The following DPY19L1 variants were observed in gnomAD, a reference collection of about 807,000 sequenced individuals.
DPY19L1 encodes protein C-mannosyl-transferase DPY19L1.
In DPY19L1, 35 loss-of-function variants were observed where a neutral mutation model predicts 96.9. The ratio of observed to expected loss-of-function variants is 0.36; its 90% CI spans 0.28 to 0.48. The LOEUF is 0.48. DPY19L1 is among the 20% of genes least tolerant of loss of function. The pLI is 0.99. For synonymous variants in DPY19L1, 205 were observed against 252.6 expected (o/e 0.81, Z 1.79); for missense variants, 521 against 777.9 (o/e 0.67, Z 3.93).
chr7:34,939,336 A>G lies in DPY19L1; in HGVS notation c.1904T>C (p.Val635Ala). The G allele has an allele frequency of 6.2e-7, 1 of 1,614,048 alleles. No homozygotes were observed. Among genetic ancestry groups the G allele is most frequent in the Non-Finnish European group, 8.5e-7 (1 of 1,179,970 alleles). The change falls in exon 20 of 22, where the codon GTT (valine) becomes GCT (alanine). Residue 635 changes from valine (V) to alanine (A), a missense_variant. By Grantham distance (64) the Val-to-Ala change is moderately conservative. Coordinates refer to ENST00000638088, the MANE Select transcript of DPY19L1 (RefSeq NM_001366673.1). The part of the protein sequence containing the change: ...FAGAMPTMAS[V>A]KLSALRPIVN... ...AATGGGCCGAAGTGCAGAGAGCTTA[A>G]CACTTGCCATCGTGGGCATGGCACC...
At chr7:34,954,313 A>G (rs1462049087) in intron 13 of DPY19L1, among the ~76,000 whole-genome samples, 1 of 152,166 alleles carries the variant, frequency 6.6e-6, no homozygotes, top group Non-Finnish European at 1.5e-5. Flanking sequence ...TAATGACTTG[A>G]AAACTGGAGA....
intron 6 of DPY19L1, among the ~76,000 whole-genome samples, chr7:34,996,467 A>G (rs1047548097): frequency 2.0e-5 from 3 of 152,086 alleles, no homozygotes; most frequent in Non-Finnish European, 4.4e-5. Flanking sequence ...CTGCCTAGAA[A>G]TATCACTCTC....
intron 1 of DPY19L1, among the ~76,000 whole-genome samples, chr7:35,027,401 T>C (rs1030306277): frequency 5.3e-5 from 8 of 152,102 alleles, no homozygotes; most frequent in Non-Finnish European, 7.4e-5. Flanking sequence ...TACAAAGCCT[T>C]GGTAGGTTTG....
chr7:34,931,440 T>C lies in DPY19L1; in HGVS notation c.*133A>G. The C allele has an allele frequency of 8.1e-7, 1 of 1,227,508 alleles. No individual in the cohort carries two copies. The highest frequency in any genetic ancestry group is 2.6e-5 in the South Asian group (1 of 38,668). 76.0% of individuals were successfully genotyped at this position (1,227,508 alleles called of 1,614,324 possible). A position where few individuals can be genotyped will look rare whatever the true frequency, so the allele number is the denominator to read the frequency against. On this transcript the variant is annotated 3_prime_UTR_variant, in exon 22 of 22. Coordinates refer to ENST00000638088, the MANE Select transcript of DPY19L1 (RefSeq NM_001366673.1). The stretch of plus-strand genomic sequence containing the variant: ...TTTATAATTAGAATGACATTCAAAT[T>C]GACCAAATAAAACGTTTTCTATTTG...
At chr7:34,956,479 T>A (rs1266802652) in intron 11 of DPY19L1, among the ~76,000 whole-genome samples, 1 of 151,874 alleles carries the variant, frequency 6.6e-6, no homozygotes, top group Non-Finnish European at 1.5e-5. Flanking sequence ...CGGCCCACAC[T>A]GGGAAGAGGC....
At chr7:34,990,701 G>A (rs766244534) in intron 6 of DPY19L1, among the ~76,000 whole-genome samples, 7 of 152,170 alleles carry the variant, frequency 4.6e-5, no homozygotes, top group Non-Finnish European at 7.4e-5. Flanking sequence ...CCAAGTCTGG[G>A]TAGGGGACAT....
chr7:34,986,259 A>C (rs1785044487), intron 7 of DPY19L1, among the ~76,000 whole-genome samples: 1 of 152,010 alleles, frequency 6.6e-6, no homozygotes, highest in Admixed American at 6.6e-5. Context: ...ACTACAGTTA[A>C]TGTATTGCAT....
In DPY19L1 at chr7:34,975,043, T is replaced by C. The variant is rs567874603; in HGVS notation, c.823-1438A>G. On this transcript the variant is annotated intron_variant, in intron 7 of 21. Coordinates refer to ENST00000638088, the MANE Select transcript of DPY19L1 (RefSeq NM_001366673.1). ...TCAGCCACTCTCCCATCTGTCTCCC[T>C]CCCATCGGGCCTCCAAATTCCCTGA... Among the ~76,000 whole-genome samples the C allele has an allele frequency of 6.0e-4, 92 of 152,122 alleles. 1 individual carries two copies. The highest frequency in any genetic ancestry group is 2.1e-3 in the African/African-American group (88 of 41,514).
chr7:34,987,460 T>A (rs1029312112), intron 7 of DPY19L1, among the ~76,000 whole-genome samples: 1 of 152,054 alleles, frequency 6.6e-6, no homozygotes, highest in Non-Finnish European at 1.5e-5. Flanking sequence ...AATTTTCCCT[T>A]ATAAAACCAT....
rs4000109 is a variant in DPY19L1, at chr7:34,954,648, C to T, written c.1320+50G>A. 1.2e-5 allele frequency: 13 copies of T among 1,061,924 alleles called. No homozygotes were observed. In the East Asian group the frequency reaches 2.3e-4, roughly 19 times the overall value. 65.8% of individuals were successfully genotyped at this position (1,061,924 alleles called of 1,614,324 possible). On this transcript the variant is annotated intron_variant, in intron 13 of 21. Transcript: ENST00000638088. ...TTGAATAACTCAATTTATTCTTAGC[C>T]TATTCGATTCTTTTCAAGTCTTTCA...
intron 6 of DPY19L1, among the ~76,000 whole-genome samples, chr7:34,992,338 C>T (rs908344744): frequency 1.3e-5 from 2 of 152,066 alleles, no homozygotes; most frequent in African/African-American, 4.8e-5. Flanking sequence ...GGTTATCAAA[C>T]CTCTGACTGT....
intron 7 of DPY19L1, among the ~76,000 whole-genome samples, chr7:34,981,103 G>T (rs566779382): frequency 6.6e-6 from 1 of 152,124 alleles, no homozygotes; most frequent in Non-Finnish European, 1.5e-5. Context: ...ATACAAGATT[G>T]TATACATATG....
chr7:34,986,564 A>T (rs1173560494), intron 7 of DPY19L1, among the ~76,000 whole-genome samples: 2 of 152,072 alleles, frequency 1.3e-5, no homozygotes, highest in Non-Finnish European at 2.9e-5. Context: ...TACCTACCAT[A>T]TAAGAATAAG....
At position 34,973,532 on chromosome 7, in the gene DPY19L1, A is replaced by G; in HGVS notation, c.896T>C (p.Leu299Pro). The change falls in exon 8 of 22, where the codon CTA becomes CCA. Residue 299 changes from leucine (L) to proline (P), a missense_variant. Leu to Pro is a moderately conservative substitution (Grantham distance 98). Coordinates refer to ENST00000638088, the MANE Select transcript of DPY19L1 (RefSeq NM_001366673.1). ...AAGTTACCTGAGAATATGAGTCACTAGCAACATCTGAAGAACAAGAAATGG... is the reference window on the plus strand; with the variant it reads ...AAGTTACCTGAGAATATGAGTCACTGGCAACATCTGAAGAACAAGAAATGG... Reference protein sequence around the residue: ...SYPFLVLQMLLVTHILRATKL... With the variant: ...SYPFLVLQMLPVTHILRATKL... The G allele has an allele frequency of 6.5e-7, 1 of 1,542,008 alleles. No individual in the cohort carries two copies. Among genetic ancestry groups the G allele is most frequent in the Non-Finnish European group, 8.7e-7 (1 of 1,143,926 alleles).
chr7:34,937,883 T>C, intron 21 of DPY19L1, 111 bp downstream of exon 21: 2 of 1,148,148 alleles, frequency 1.7e-6, no homozygotes, highest in Non-Finnish European at 2.4e-6. Flanking sequence ...AGTTTTTCCA[T>C]GTATACTTTA....
intron 9 of DPY19L1, among the ~76,000 whole-genome samples, chr7:34,967,651 T>C (rs1784639336): frequency 6.6e-6 from 1 of 152,174 alleles, no homozygotes; most frequent in Non-Finnish European, 1.5e-5. Context: ...AGAGGTAATA[T>C]AGCAGACAAT....
chr7:34,988,769 A>T (rs894279370), intron 7 of DPY19L1, among the ~76,000 whole-genome samples: 1 of 152,238 alleles, frequency 6.6e-6, no homozygotes, highest in African/African-American at 2.4e-5. Context: ...AGAAATCTAG[A>T]CAGATGTATT....
intron 21 of DPY19L1, among the ~76,000 whole-genome samples, chr7:34,932,495 CT>C (rs1167852407): frequency 6.6e-6 from 1 of 152,114 alleles, no homozygotes; most frequent in Non-Finnish European, 1.5e-5. Flanking sequence ...TTGAAATATG[CT>C]TTCTACTGAA....
chr7:35,003,624 T>C (rs1785483092), intron 6 of DPY19L1, among the ~76,000 whole-genome samples: 2 of 152,260 alleles, frequency 1.3e-5, no homozygotes, highest in Non-Finnish European at 2.9e-5. Context: ...ACCTGGCCAC[T>C]ACATTTCTGC....
Sources: allele counts gnomAD v4.1 joint callset (sites outside exome capture counted in the v4.1 genomes callset), GRCh38; gene constraint gnomAD v4.1.1; transcripts MANE v1.5; gene names NCBI Gene and HGNC (gene_info 2026-07-23, HGNC 2026-07-21).